The following DCAF8L2 variants were observed in gnomAD, a reference collection of about 807,000 sequenced individuals.
The protein encoded by DCAF8L2 is DDB1 and CUL4 associated factor 8 like 2, also known as DDB1- and CUL4-associated factor 8-like protein 2.
For missense variants in DCAF8L2, 430 were observed against 490.7 expected, an observed-to-expected ratio of 0.88 and a Z score of 1.17; for synonymous variants, 200 against 190.9, an observed-to-expected ratio of 1.05 and a Z score of -0.39.
intron 4 of DCAF8L2, among the ~76,000 whole-genome samples, chrX:27,732,057 C>T (rs1407136810): frequency 9.0e-6 from 1 of 111,144 alleles, no homozygotes; most frequent in Non-Finnish European, 1.9e-5. Flanking sequence ...ACGTTTTGAT[C>T]TACATACACA....
At chrX:27,694,996 T>C (rs2147259303) in intron 3 of DCAF8L2, among the ~76,000 whole-genome samples, 1 of 112,259 alleles carries the variant, frequency 8.9e-6, no homozygotes, top group Admixed American at 9.5e-5. Flanking sequence ...GGGTTTTAAA[T>C]TGCTCTTTTC....
intron 1 of DCAF8L2, among the ~76,000 whole-genome samples, chrX:27,592,156 G>C (rs1157802336): frequency 1.8e-5 from 2 of 112,150 alleles, no homozygotes; most frequent in Non-Finnish European, 3.8e-5. Context: ...GCCTGGCCCC[G>C]TCCAGGGCTG....
At chrX:27,520,559 T>C in the DCAF8L2 span, among the ~76,000 whole-genome samples, 1 of 112,135 alleles carries the variant, frequency 8.9e-6, no homozygotes, top group Admixed American at 9.5e-5. Context: ...AGTACTGCTG[T>C]GTTATGCCTT....
the DCAF8L2 span, among the ~76,000 whole-genome samples, chrX:27,553,819 C>T: frequency 9.1e-6 from 1 of 109,420 alleles, no homozygotes; most frequent in South Asian, 3.8e-4. Flanking sequence ...GAATTCCATG[C>T]TATTTATTTT....
the DCAF8L2 span, among the ~76,000 whole-genome samples, chrX:27,583,599 C>G: frequency 9.0e-6 from 1 of 111,482 alleles, no homozygotes; most frequent in Non-Finnish European, 1.9e-5. Flanking sequence ...TGTTAGGAAC[C>G]AGGCTGCACC....
chrX:27,523,409 AGT>A, the DCAF8L2 span, among the ~76,000 whole-genome samples: 10,227 of 96,300 alleles, frequency 0.11, 499 homozygotes, highest in African/African-American at 0.14. Flanking sequence ...CTGTCTACTG[AGT>A]GTGTGTGTGT....
chrX:27,478,569 G>T, the DCAF8L2 span, among the ~76,000 whole-genome samples: 1 of 111,930 alleles, frequency 8.9e-6, no homozygotes, highest in South Asian at 3.7e-4. Context: ...ACTCCCAGGG[G>T]TAAAATAGTC....
intron 3 of DCAF8L2, among the ~76,000 whole-genome samples, chrX:27,680,711 C>T (rs773802370): frequency 3.6e-5 from 4 of 111,607 alleles, no homozygotes; most frequent in Non-Finnish European, 7.5e-5. Context: ...TCTTGCATTA[C>T]CTCAGCCAAG....
At chrX:27,553,105 T>C in the DCAF8L2 span, among the ~76,000 whole-genome samples, 23 of 112,133 alleles carry the variant, frequency 2.1e-4, no homozygotes, top group Middle Eastern at 0.019. Context: ...GATTTTTGTA[T>C]GTTGATTTTA....
intron 1 of DCAF8L2, among the ~76,000 whole-genome samples, chrX:27,596,757 T>C (rs1926376978): frequency 9.5e-6 from 1 of 105,172 alleles, no homozygotes; most frequent in African/African-American, 3.5e-5. Flanking sequence ...AAAAATTAAA[T>C]ATTCAAGTTA....
chrX:27,550,751 T>C, the DCAF8L2 span, among the ~76,000 whole-genome samples: 27 of 110,225 alleles, frequency 2.4e-4, no homozygotes, highest in Admixed American at 2.6e-3. Flanking sequence ...TTAACTTTCT[T>C]AGATTCCATG....
At chrX:27,532,855 CA>C in the DCAF8L2 span, among the ~76,000 whole-genome samples, 1 of 106,486 alleles carries the variant, frequency 9.4e-6, no homozygotes, top group South Asian at 4.3e-4. Flanking sequence ...GCAGGAGGAT[CA>C]CTTGAGGTCA....
intron 1 of DCAF8L2, among the ~76,000 whole-genome samples, chrX:27,619,312 A>G (rs1211921305): frequency 1.8e-5 from 2 of 111,392 alleles, no homozygotes; most frequent in Non-Finnish European, 3.8e-5. Context: ...ATTTACCAAT[A>G]GAAACCGTTT....
chrX:27,532,208 A>G, the DCAF8L2 span, among the ~76,000 whole-genome samples: 1 of 111,181 alleles, frequency 9.0e-6, no homozygotes, highest in Non-Finnish European at 1.9e-5. Context: ...ATTCTTTACT[A>G]AAAGGAATAA....
At chrX:27,495,822 A>G in the DCAF8L2 span, among the ~76,000 whole-genome samples, 5 of 112,089 alleles carry the variant, frequency 4.5e-5, no homozygotes, top group African/African-American at 1.6e-4. Flanking sequence ...TGTGAGGATG[A>G]TATTCACTCC....
the DCAF8L2 span, among the ~76,000 whole-genome samples, chrX:27,570,535 T>C: frequency 8.9e-6 from 1 of 111,826 alleles, no homozygotes; most frequent in African/African-American, 3.3e-5. Flanking sequence ...CTGTCTGGCA[T>C]GTGGATGTTT....
chrX:27,726,863 TTGTA>T (rs1436839707), intron 4 of DCAF8L2, among the ~76,000 whole-genome samples: 3 of 112,068 alleles, frequency 2.7e-5, no homozygotes, highest in African/African-American at 9.7e-5. Context: ...TGAATAATGA[TTGTA>T]TGAACATTCT....
At chrX:27,512,778 G>GAAA in the DCAF8L2 span, among the ~76,000 whole-genome samples, 1 of 2,523 alleles carries the variant, frequency 4.0e-4, no homozygotes, top group Non-Finnish European at 5.9e-4. Context: ...ACAATCTTGA[G>GAAA]CAAAAAAAAA....
intron 1 of DCAF8L2, among the ~76,000 whole-genome samples, chrX:27,618,933 A>G (rs1927604020): frequency 1.8e-5 from 2 of 110,399 alleles, no homozygotes; most frequent in South Asian, 7.7e-4. Flanking sequence ...TTATGTTTCA[A>G]TTTTTTTATA....
Sources: allele counts gnomAD v4.1 joint callset (sites outside exome capture counted in the v4.1 genomes callset), GRCh38; gene constraint gnomAD v4.1.1; transcripts MANE v1.5; gene names NCBI Gene and HGNC (gene_info 2026-07-23, HGNC 2026-07-21).